The following DNAAF8 variants were observed in gnomAD, a reference collection of about 807,000 sequenced individuals.
DNAAF8 encodes dynein axonemal-associated protein 1.
Under a neutral mutation model 54.6 loss-of-function variants are expected in DNAAF8, and 61 were observed. The observed-to-expected ratio is 1.12, with a 90% CI of 0.91 to 1.38. The LOEUF is 1.38. Among genes scored for constraint, DNAAF8 ranks in the 40% most tolerant of loss-of-function variants. The pLI is 0.00. For missense variants in DNAAF8, 837 were observed against 665.0 expected, an observed-to-expected ratio of 1.26 and a Z score of -2.85; for synonymous variants, 320 against 270.1, an observed-to-expected ratio of 1.18 and a Z score of -1.81.
At chr16:4,737,765 C>G in intron 2 of DNAAF8, 35 bp from the exon 3 acceptor site, 1 of 1,611,950 alleles carries the variant, frequency 6.2e-7, no homozygotes. Flanking sequence ...CTGCCTGCTG[C>G]CTTGTCCTCC....
chr16:4,741,860 T>C (rs1177379674), intron 4 of DNAAF8, among the ~76,000 whole-genome samples: 1 of 152,204 alleles, frequency 6.6e-6, no homozygotes, highest in African/African-American at 2.4e-5. Context: ...CACATTCATG[T>C]CCTAGAGGAG....
chr16:4,738,548 A>T (rs1431064500), intron 3 of DNAAF8, among the ~76,000 whole-genome samples: 1 of 152,202 alleles, frequency 6.6e-6, no homozygotes, highest in Non-Finnish European at 1.5e-5. Flanking sequence ...AGAGGTTCCC[A>T]TGAGGCCAGG....
intron 6 of DNAAF8, 77 bp from the exon 7 acceptor site, chr16:4,746,298 T>C (rs533539117): frequency 6.8e-7 from 1 of 1,467,702 alleles, no homozygotes; most frequent in African/African-American, 1.4e-5. Flanking sequence ...ACGAGCACTG[T>C]GACTGGACAA....
At chr16:4,743,978 GGAGTGCAA>G (rs2081981223) in intron 5 of DNAAF8, 2 of 142,704 alleles carry the variant, frequency 1.4e-5, no homozygotes, top group African/African-American at 5.3e-5. Flanking sequence ...TGCCCAAACT[GGAGTGCAA>G]TGGCACGATC....
In DNAAF8 at chr16:4,740,161, G is replaced by C; in HGVS notation, c.285G>C (p.Leu95=). ...AAEESLPEPV[L]VPAELATEPG... The stretch of plus-strand genomic sequence containing the variant: ...ACCTGTTTTCTTGACAGCCAGTTCT[G>C]GTGCCTGCAGAATTGGCCACAGAAC... Residue 95 remains leucine (L), a synonymous_variant, in exon 4 of 10, where the codon CTG becomes CTC. Coordinates refer to ENST00000299320, the MANE Select transcript of DNAAF8 (RefSeq NM_139170.3). 1 of 1,604,618 alleles carries C rather than the reference G, an allele frequency of 6.2e-7. No individual in the cohort carries two copies. The highest frequency in any genetic ancestry group is 1.3e-5 in the African/African-American group (1 of 74,674).
chr16:4,748,412 TAAGA>T (rs2082046492), intron 9 of DNAAF8: 1 of 152,168 alleles, frequency 6.6e-6, no homozygotes, highest in Non-Finnish European at 1.5e-5. Flanking sequence ...CTTCTTTACC[TAAGA>T]TAGAAAGGCA....
In DNAAF8 at chr16:4,740,443, C is replaced by G; in HGVS notation, c.567C>G (p.Ala189=). The change falls in exon 4 of 10, where the codon GCC becomes GCG. Residue 189 remains alanine, a synonymous_variant. Transcript: ENST00000299320. ...GDPKAEPLST[A]SQESVNRRAL... ...CAAAGGCAGAGCCCCTCAGCACTGC[C>G]TCACAAGAATCTGTGAACCGCCGGG... 6.2e-7 allele frequency: 1 copy of G among 1,614,046 alleles called. No individual in the cohort carries two copies. The highest frequency in any genetic ancestry group is 1.1e-5 in the South Asian group (1 of 91,078).
chr16:4,747,301 G>GC, intron 8 of DNAAF8, 42 bp from the exon 9 acceptor site: 1 of 1,519,184 alleles, frequency 6.6e-7, no homozygotes, highest in South Asian at 1.3e-5. Flanking sequence ...GGGAGGGGCG[G>GC]CCCCCACGGG....
chr16:4,745,055 G>T (rs2142211324), intron 6 of DNAAF8, 44 bp downstream of exon 6: 13 of 1,594,980 alleles, frequency 8.2e-6, no homozygotes, highest in Non-Finnish European at 1.0e-5. Flanking sequence ...CCTTTAGAAT[G>T]GCCCCATGGT....
chr16:4,736,238 T>G (rs1045084189), intron 1 of DNAAF8, among the ~76,000 whole-genome samples: 1 of 152,150 alleles, frequency 6.6e-6, no homozygotes, highest in Non-Finnish European at 1.5e-5. Context: ...TATCACTATA[T>G]ACATTATATA....
chr16:4,745,908 A>ACTG (rs2082009600), intron 6 of DNAAF8, among the ~76,000 whole-genome samples: 1 of 148,620 alleles, frequency 6.7e-6, no homozygotes, highest in Non-Finnish European at 1.5e-5. Flanking sequence ...GACCAAGATC[A>ACTG]TGCCACTGCA....
intron 6 of DNAAF8, among the ~76,000 whole-genome samples, chr16:4,745,683 G>A (rs1020129816): frequency 4.7e-4 from 72 of 152,214 alleles, no homozygotes; most frequent in African/African-American, 1.7e-3. Context: ...GGGCGCGGTG[G>A]CTCATGCCTA....
In DNAAF8 at chr16:4,748,809, C is replaced by G. The variant is rs2082050433; in HGVS notation, c.*94C>G. ...CACGGTGCCACGGGCTCAGGCAGCA[C>G]AGTAGGGCGCCGGGCCTTTGGGACA... On this transcript the variant is annotated 3_prime_UTR_variant, in exon 10 of 10. Transcript: ENST00000299320. 1.3e-5 allele frequency: 2 copies of G among 152,336 alleles called. No individual in the cohort carries two copies. The highest frequency in any genetic ancestry group is 2.9e-5 in the Non-Finnish European group (2 of 68,120). 9.4% of individuals were successfully genotyped at this position (152,336 alleles called of 1,614,324 possible). A position where few individuals can be genotyped will look rare whatever the true frequency, so the allele number is the denominator to read the frequency against.
chr16:4,747,088 C>G (rs2082027207), intron 8 of DNAAF8, 63 bp downstream of exon 8: 2 of 1,437,980 alleles, frequency 1.4e-6, no homozygotes, highest in East Asian at 5.1e-5. Context: ...GCAGCAAGCC[C>G]TCCACCTGGC....
In DNAAF8 at chr16:4,747,406, G is replaced by A. The variant is rs79295075; in HGVS notation, c.1344G>A (p.Gln448=). ...QLRAFQKGTA[Q]PELPASKGPA... ...GGGCCTTTCAGAAGGGGACAGCCCAGCCCGAGCTGCCTGCCAGCAAGGGGC... is the reference window on the plus strand; with the variant it reads ...GGGCCTTTCAGAAGGGGACAGCCCAACCCGAGCTGCCTGCCAGCAAGGGGC... The change falls in exon 9 of 10, where the codon CAG becomes CAA. Residue 448 remains glutamine (Q), a synonymous_variant. Coordinates refer to ENST00000299320, the MANE Select transcript of DNAAF8 (RefSeq NM_139170.3). 2 of 1,612,744 alleles carry A rather than the reference G, an allele frequency of 1.2e-6. No individual in the cohort carries two copies. Among genetic ancestry groups the A allele is most frequent in the Non-Finnish European group, 8.5e-7 (1 of 1,179,810 alleles).
In DNAAF8 at chr16:4,749,272, G is replaced by A. The variant is rs1311438620; in HGVS notation, c.*557G>A. 1 of 154,472 alleles carries A rather than the reference G, an allele frequency of 6.5e-6. No individual in the cohort carries two copies. The highest frequency in any genetic ancestry group is 1.5e-5 in the Non-Finnish European group (1 of 68,248). The allele number at this position is 154,472 out of a possible 1,614,324, so 9.6% of individuals were successfully genotyped here. A position where few individuals can be genotyped will look rare whatever the true frequency, so the allele number is the denominator to read the frequency against. ...CGGCCTCCGCTGTGGCTGCCTAGCT[G>A]TCAAGAGCAAAGGCTTTTTTTTTCT... On this transcript the variant is annotated 3_prime_UTR_variant, in exon 10 of 10. Coordinates refer to ENST00000299320, the MANE Select transcript of DNAAF8 (RefSeq NM_139170.3).
chr16:4,747,364 G>GCTT lies in DNAAF8; in HGVS notation c.1305_1307dup (p.Leu436dup). Reference sequence around the variant, plus strand: ...ACAGGACCTGTACCGGGAAAAGCCAGCTTCTCCAGCAGCTCAGGGCCTTTC... The same window carrying GCTT: ...ACAGGACCTGTACCGGGAAAAGCCAGCTTCTTCTCCAGCAGCTCAGGGCCTTTC... On this transcript the variant is annotated inframe_insertion, in exon 9 of 10. Coordinates refer to ENST00000299320, the MANE Select transcript of DNAAF8 (RefSeq NM_139170.3). 6.3e-7 allele frequency: 1 copy of GCTT among 1,589,348 alleles called. No homozygotes were observed. The highest frequency in any genetic ancestry group is 8.6e-7 in the Non-Finnish European group (1 of 1,165,616).
rs140848718 is a variant in DNAAF8, at chr16:4,740,297, G to C, written c.421G>C (p.Glu141Gln). ...GEVSALLGMA[E>Q]EPPRWLEGDL... is the part of the protein sequence containing the mutation. ...GGTCAGCGCTCTTCTTGGGATGGCC[G>C]AGGAGCCCCCCAGGTGGCTGGAAGG... Residue 141 changes from glutamate (E) to glutamine (Q), a missense_variant, in exon 4 of 10, where the codon GAG becomes CAG. Glu to Gln is a conservative substitution (Grantham distance 29). Coordinates refer to ENST00000299320, the MANE Select transcript of DNAAF8 (RefSeq NM_139170.3). 19 of 1,613,788 alleles carry C rather than the reference G, an allele frequency of 1.2e-5. No individual in the cohort carries two copies. Among genetic ancestry groups the C allele is most frequent in the African/African-American group, 1.3e-5 (1 of 74,822 alleles).
At chr16:4,736,338 G>C in intron 1 of DNAAF8, 126 bp from the exon 2 acceptor site, 1 of 585,778 alleles carries the variant, frequency 1.7e-6, no homozygotes, top group Non-Finnish European at 2.6e-6. Context: ...TGCATAACTA[G>C]AAGGAAACTG....
Sources: gnomAD v4.1 joint callset for allele counts (sites outside exome capture counted in the v4.1 genomes callset) on GRCh38, gnomAD v4.1.1 for gene constraint, MANE v1.5 for transcripts, NCBI Gene and HGNC (gene_info 2026-07-23, HGNC 2026-07-21) for gene names.